Variants in USP47 observed in about 807,000 individuals in gnomAD.
USP47 encodes the protein ubiquitin carboxyl-terminal hydrolase 47.
USP47 carries 35 observed loss-of-function variants against 165.1 expected under a neutral mutation model. The observed-to-expected ratio is 0.21, with a 90% CI of 0.16 to 0.28. The LOEUF is 0.28. Ranked by LOEUF, USP47 falls within the 10% of genes least tolerant of loss-of-function variation. The pLI is 1.00. For synonymous variants in USP47, 531 were observed against 544.5 expected (o/e 0.98, Z 0.35); for missense variants, 1,277 against 1,607.4 (o/e 0.79, Z 3.52).
intron 20 of USP47, among the ~76,000 whole-genome samples, chr11:11,946,694 A>T (rs1264965939): frequency 6.6e-6 from 1 of 152,210 alleles, no homozygotes; most frequent in Non-Finnish European, 1.5e-5. Context: ...CTTGTTTGCC[A>T]TAAGCTGGAT....
chr11:11,867,805 A>G (rs1173869842), intron 1 of USP47, among the ~76,000 whole-genome samples: 4 of 152,220 alleles, frequency 2.6e-5, no homozygotes, highest in Non-Finnish European at 4.4e-5. Context: ...TTCCAGGAAG[A>G]ATTTGTGATT....
rs192925880 is a variant in USP47, at chr11:11,941,899, T to A, written c.2314-436T>A. Among the ~76,000 whole-genome samples the A allele has an allele frequency of 1.0e-3, 157 of 152,222 alleles. 1 individual carries two copies. Among genetic ancestry groups the A allele is most frequent in the African/African-American group, 3.6e-3 (149 of 41,558 alleles). Reference sequence around the variant, plus strand: ...GTCATTTGCCCATTAAATTTTTCCATGATCTGGATTTTGGTGTTATATTCA... The same window carrying A: ...GTCATTTGCCCATTAAATTTTTCCAAGATCTGGATTTTGGTGTTATATTCA... On this transcript the variant is annotated intron_variant, in intron 19 of 27. Coordinates refer to ENST00000527733, the MANE Select transcript of USP47 (RefSeq NM_001282659.2).
chr11:11,849,971 G>A (rs553277863), intron 1 of USP47, among the ~76,000 whole-genome samples: 5 of 152,060 alleles, frequency 3.3e-5, no homozygotes, highest in African/African-American at 4.8e-5. Context: ...TTTCTGTGTC[G>A]ATGTTGAGAT....
chr11:11,880,178 T>A lies in USP47; in HGVS notation c.41T>A (p.Ile14Lys), dbSNP rs1850739137. Residue 14 changes from isoleucine (I) to lysine (K), a missense_variant and splice_region_variant, in exon 2 of 28, where the codon ATA becomes AAA. By Grantham distance (102) the Ile-to-Lys change is moderately radical. Coordinates refer to ENST00000527733, the MANE Select transcript of USP47 (RefSeq NM_001282659.2). ...GEENQLVPKE[I>K]ENAAEEPRVL... ...GTCATATTTTTCTTAAAATTTCAGA[T>A]AGAAAATGCTGCTGAAGAACCTAGA... The A allele has an allele frequency of 6.8e-7, 1 of 1,470,972 alleles. No homozygotes were observed. 91.1% of individuals were successfully genotyped at this position (1,470,972 alleles called of 1,614,324 possible).
At chr11:11,886,667 A>G in intron 3 of USP47, among the ~76,000 whole-genome samples, 1 of 152,298 alleles carries the variant, frequency 6.6e-6, no homozygotes, top group Non-Finnish European at 1.5e-5. Context: ...TGGAAAATAT[A>G]CTTAAGGATG....
At position 11,945,931 on chromosome 11, in the gene USP47, T is replaced by TC. The variant is rs371273611; in HGVS notation, c.3092-2005dup. On this transcript the variant is annotated intron_variant, in intron 20 of 27. Transcript: ENST00000527733. Reference sequence around the variant, plus strand: ...GCCTGGGCAACAGAGCGAGACCCTGTCCCCCCCCCAAAAAAAAAAGAAAAG... The same window carrying TC: ...GCCTGGGCAACAGAGCGAGACCCTGTCCCCCCCCCCAAAAAAAAAAGAAAAG... 6.8e-3 allele frequency among the ~76,000 whole-genome samples: 820 copies of TC among 120,376 alleles called. 7 individuals carry two copies. The highest frequency in any genetic ancestry group is 0.023 in the African/African-American group (718 of 31,504). The allele number at this position is 120,376 out of a possible 152,430, so 79.0% of individuals were successfully genotyped here. A position where few individuals can be genotyped will look rare whatever the true frequency, so the allele number is the denominator to read the frequency against.
intron 8 of USP47, among the ~76,000 whole-genome samples, chr11:11,913,455 C>A (rs969760014): frequency 1.1e-4 from 17 of 151,490 alleles, no homozygotes; most frequent in Admixed American, 6.6e-4. Flanking sequence ...TGTACTGGAC[C>A]TATGTGTTCA....
intron 8 of USP47, among the ~76,000 whole-genome samples, chr11:11,912,471 A>C (rs1269714601): frequency 6.6e-6 from 1 of 152,156 alleles, no homozygotes; most frequent in South Asian, 2.1e-4. Flanking sequence ...ATTCTTTGAA[A>C]AGAACTCAAT....
intron 1 of USP47, among the ~76,000 whole-genome samples, chr11:11,866,609 A>C (rs546148118): frequency 1.3e-5 from 2 of 152,166 alleles, no homozygotes; most frequent in South Asian, 4.1e-4. Flanking sequence ...AGGATTCATC[A>C]CCTTCCTTCT....
rs1853950436 is a variant in USP47 at position 11,922,996 on chromosome 11, CTT to C, written c.1386+106_1386+107del. 4.2e-6 allele frequency: 4 copies of C among 949,214 alleles called. No individual in the cohort carries two copies. In the African/African-American group the frequency reaches 5.5e-5, roughly 13 times the overall value. The allele number at this position is 949,214 out of a possible 1,614,324, so 58.8% of individuals were successfully genotyped here. ...CTGATAAAGTTATCTTTAAAAGAAACTTAATTTTTGAAAGTTAAGACTTCTCA... is the reference window on the plus strand; with the variant it reads ...CTGATAAAGTTATCTTTAAAAGAAACAATTTTTGAAAGTTAAGACTTCTCA... On this transcript the variant is annotated intron_variant, in intron 11 of 27. Coordinates refer to ENST00000527733, the MANE Select transcript of USP47 (RefSeq NM_001282659.2).
chr11:11,936,504 C>T lies in USP47; in HGVS notation c.2071C>T (p.Pro691Ser). 1 of 1,574,918 alleles carries T rather than the reference C, an allele frequency of 6.3e-7. No homozygotes were observed. The highest frequency in any genetic ancestry group is 8.6e-7 in the Non-Finnish European group (1 of 1,156,276). Reference protein sequence around the residue: ...KPDQVFQSYKPGEVMVKVHVV... With the variant: ...KPDQVFQSYKSGEVMVKVHVV... Reference sequence around the variant, plus strand: ...TGATCAGGTTTTCCAATCTTATAAACCTGGAGGTGAGCAATTTTACACTAT... The same window carrying T: ...TGATCAGGTTTTCCAATCTTATAAATCTGGAGGTGAGCAATTTTACACTAT... Residue 691 changes from proline to serine, a missense_variant, in exon 17 of 28, where the codon CCT becomes TCT. By Grantham distance (74) the Pro-to-Ser change is moderately conservative. This residue lies in a region of USP47 where 909 missense variants were observed against 1,068.1 expected (regional missense o/e 0.85). Coordinates refer to ENST00000527733, the MANE Select transcript of USP47 (RefSeq NM_001282659.2).
rs750004473 is a variant in USP47 at position 11,960,700 on chromosome 11, T to A, written c.*4525T>A. On this transcript the variant is annotated 3_prime_UTR_variant, in exon 28 of 28. Coordinates refer to ENST00000527733, the MANE Select transcript of USP47 (RefSeq NM_001282659.2). ...TCATCTTTATACAGGGCAATTGTGC[T>A]GCTGCTGCTGAGGTGGCCACTTTCA... Among the ~76,000 whole-genome samples, 10 of 152,366 alleles carry A rather than the reference T, an allele frequency of 6.6e-5. No individual in the cohort carries two copies. The highest frequency in any genetic ancestry group is 1.0e-4 in the Non-Finnish European group (7 of 68,038).
intron 1 of USP47, among the ~76,000 whole-genome samples, chr11:11,850,439 G>A (rs1380112928): frequency 7.0e-6 from 1 of 142,426 alleles, no homozygotes; most frequent in East Asian, 2.0e-4. Context: ...TTTGTTTTAT[G>A]GATGCAGTGT....
At chr11:11,912,353 C>A (rs1328828003) in intron 8 of USP47, among the ~76,000 whole-genome samples, 1 of 151,864 alleles carries the variant, frequency 6.6e-6, no homozygotes, top group Non-Finnish European at 1.5e-5. Flanking sequence ...GCAAAAATTT[C>A]CAGTATCAGG....
intron 2 of USP47, among the ~76,000 whole-genome samples, chr11:11,881,894 C>A (rs1850856490): frequency 6.6e-6 from 1 of 152,032 alleles, no homozygotes; most frequent in African/African-American, 2.4e-5. Context: ...TAGGTTTCAG[C>A]ATGTGAATTT....
chr11:11,900,396 G>A (rs941506439), intron 5 of USP47, among the ~76,000 whole-genome samples: 16 of 151,978 alleles, frequency 1.1e-4, no homozygotes, highest in South Asian at 2.1e-4. Context: ...TCCTGACCTC[G>A]TGATCCGCCC....
At chr11:11,852,770 A>T (rs1459777169) in intron 1 of USP47, among the ~76,000 whole-genome samples, 1 of 152,168 alleles carries the variant, frequency 6.6e-6, no homozygotes, top group African/African-American at 2.4e-5. Flanking sequence ...AAATCCTTAT[A>T]TTCAGTCTAT....
chr11:11,929,606 G>C, intron 12 of USP47, 41 bp downstream of exon 12: 1 of 1,600,188 alleles, frequency 6.2e-7, no homozygotes, highest in South Asian at 1.1e-5. Flanking sequence ...TGAAAGGTGG[G>C]AGTAAGGATG....
At chr11:11,911,851 T>G (rs1853019712) in intron 8 of USP47, among the ~76,000 whole-genome samples, 1 of 152,036 alleles carries the variant, frequency 6.6e-6, no homozygotes, top group Admixed American at 6.6e-5. Flanking sequence ...GACCATATGC[T>G]CTGGACCATA....
Sources: allele counts gnomAD v4.1 joint callset (sites outside exome capture counted in the v4.1 genomes callset), GRCh38; gene constraint gnomAD v4.1.1; regional missense constraint gnomAD v4.1.1; transcripts MANE v1.5; gene names NCBI Gene and HGNC (gene_info 2026-07-23, HGNC 2026-07-21).